ZNF804A: variants seen among roughly 807,000 people sequenced by gnomAD.
The protein encoded by ZNF804A is zinc finger protein 804A.
ZNF804A carries 2 observed loss-of-function variants against 16.5 expected under a neutral mutation model. That is an observed-to-expected ratio of 0.12 (90% confidence interval 0.05 to 0.38). ZNF804A has a LOEUF of 0.38. ZNF804A is among the 10% of genes least tolerant of loss of function. The pLI is 0.99. For synonymous variants in ZNF804A, 534 were observed against 489.6 expected, an observed-to-expected ratio of 1.09 and a Z score of -1.20; for missense variants, 1,473 against 1,390.7, an observed-to-expected ratio of 1.06 and a Z score of -0.94.
intron 1 of ZNF804A, among the ~76,000 whole-genome samples, chr2:184,711,369 T>C (rs1203360500): frequency 6.6e-6 from 1 of 151,770 alleles, no homozygotes; most frequent in Non-Finnish European, 1.5e-5. Context: ...TTTTTTGTTA[T>C]CAAGTTGTAG....
intron 2 of ZNF804A, among the ~76,000 whole-genome samples, chr2:184,903,470 G>C (rs1346640277): frequency 1.3e-5 from 2 of 152,076 alleles, no homozygotes; most frequent in African/African-American, 4.8e-5. Flanking sequence ...ATACCATAGA[G>C]CCTAGGTGTG....
chr2:184,628,576 A>G (rs988344218), intron 1 of ZNF804A, among the ~76,000 whole-genome samples: 2 of 152,122 alleles, frequency 1.3e-5, no homozygotes, highest in African/African-American at 2.4e-5. Flanking sequence ...CTTACTCAAA[A>G]TTAAATATTT....
At chr2:184,762,976 A>G (rs1258845298) in intron 1 of ZNF804A, among the ~76,000 whole-genome samples, 5 of 152,180 alleles carry the variant, frequency 3.3e-5, no homozygotes, top group African/African-American at 2.4e-5. Flanking sequence ...TTAAATCACA[A>G]ATGTTATTTC....
intron 1 of ZNF804A, among the ~76,000 whole-genome samples, chr2:184,648,638 A>C (rs1336082665): frequency 6.6e-6 from 1 of 152,172 alleles, no homozygotes; most frequent in Admixed American, 6.5e-5. Flanking sequence ...AAGGGTTGCT[A>C]TTCTTATATC....
intron 1 of ZNF804A, among the ~76,000 whole-genome samples, chr2:184,605,139 A>G (rs75482695): frequency 0.044 from 6,754 of 152,234 alleles, 240 homozygotes; most frequent in Non-Finnish European, 0.063. Flanking sequence ...ATGATATGGC[A>G]TTGAAATAGT....
intron 1 of ZNF804A, among the ~76,000 whole-genome samples, chr2:184,617,640 G>C (rs1291653087): frequency 6.6e-6 from 1 of 151,310 alleles, no homozygotes; most frequent in African/African-American, 2.4e-5. Context: ...TCACTGTTTA[G>C]AATTTTTACT....
At position 184,937,078 on chromosome 2, in the gene ZNF804A, A is replaced by G. The variant is rs978404894; in HGVS notation, c.1682A>G (p.Tyr561Cys). Residue 561 changes from tyrosine (Y) to cysteine (C), a missense_variant, in exon 4 of 4, where the codon TAT (tyrosine) becomes TGT (cysteine). Tyr to Cys is a radical substitution (Grantham distance 194). Transcript: ENST00000302277. ...TGTAAGATCAGAGAAACAGAAAAGT[A>G]TAATTTTACTAAAAGTCAAATAAAA... The part of the protein sequence containing the change: ...ISCKIRETEK[Y>C]NFTKSQIKQD... 6.9e-6 allele frequency: 11 copies of G among 1,602,832 alleles called. No individual in the cohort carries two copies. Among genetic ancestry groups the G allele is most frequent in the African/African-American group, 1.4e-5 (1 of 73,898 alleles).
intron 1 of ZNF804A, among the ~76,000 whole-genome samples, chr2:184,829,743 T>G (rs1238639877): frequency 2.0e-5 from 3 of 151,288 alleles, no homozygotes; most frequent in Non-Finnish European, 4.4e-5. Context: ...CTGATTACAT[T>G]TTTTTCCTAT....
chr2:184,617,515 G>A (rs970833518), intron 1 of ZNF804A, among the ~76,000 whole-genome samples: 5 of 151,612 alleles, frequency 3.3e-5, no homozygotes, highest in African/African-American at 9.7e-5. Flanking sequence ...AAATTATATC[G>A]AAGATTTAAC....
intron 2 of ZNF804A, among the ~76,000 whole-genome samples, chr2:184,869,257 G>T (rs999025886): frequency 8.5e-5 from 13 of 152,060 alleles, no homozygotes; most frequent in African/African-American, 3.1e-4. Flanking sequence ...CCTACAACTT[G>T]TATGCAGTAA....
intron 1 of ZNF804A, among the ~76,000 whole-genome samples, chr2:184,845,629 C>A (rs1446990712): frequency 1.3e-5 from 2 of 152,220 alleles, no homozygotes; most frequent in East Asian, 3.9e-4. Context: ...CTCTTGGAAC[C>A]AGGCCTTTAT....
At chr2:184,701,713 C>T (rs1692922288) in intron 1 of ZNF804A, among the ~76,000 whole-genome samples, 2 of 151,726 alleles carry the variant, frequency 1.3e-5, no homozygotes, top group South Asian at 4.2e-4. Flanking sequence ...AATATGAAGG[C>T]AAATTAAATG....
intron 1 of ZNF804A, among the ~76,000 whole-genome samples, chr2:184,789,985 A>G (rs945448382): frequency 1.3e-5 from 2 of 151,442 alleles, no homozygotes; most frequent in Non-Finnish European, 3.0e-5. Flanking sequence ...TTCCTCTCAC[A>G]CTTCTTTTGC....
intron 2 of ZNF804A, among the ~76,000 whole-genome samples, chr2:184,903,738 A>G (rs1298875321): frequency 1.3e-5 from 2 of 152,122 alleles, no homozygotes; most frequent in African/African-American, 2.4e-5. Context: ...GACATATGAA[A>G]AGCAGTACAT....
At chr2:184,638,663 A>G (rs1427451471) in intron 1 of ZNF804A, among the ~76,000 whole-genome samples, 4 of 152,180 alleles carry the variant, frequency 2.6e-5, no homozygotes, top group African/African-American at 4.8e-5. Flanking sequence ...GCTTTCTATT[A>G]TGGATTGTCA....
intron 1 of ZNF804A, among the ~76,000 whole-genome samples, chr2:184,628,874 T>G (rs1691554287): frequency 6.6e-6 from 1 of 152,198 alleles, no homozygotes; most frequent in Non-Finnish European, 1.5e-5. Flanking sequence ...AGCAGTAGGT[T>G]GGAGTTTCTG....
At chr2:184,753,373 A>C (rs1211776907) in intron 1 of ZNF804A, among the ~76,000 whole-genome samples, 1 of 151,700 alleles carries the variant, frequency 6.6e-6, no homozygotes, top group African/African-American at 2.4e-5. Flanking sequence ...TCTGAAAAAC[A>C]ATGCTGGACG....
chr2:184,747,321 CAAAAA>C (rs397986917), intron 1 of ZNF804A, among the ~76,000 whole-genome samples: 2 of 78,076 alleles, frequency 2.6e-5, no homozygotes, highest in South Asian at 1.1e-3. Flanking sequence ...AATCTTGCTG[CAAAAA>C]AAAAAAAAAA....
intron 1 of ZNF804A, among the ~76,000 whole-genome samples, chr2:184,693,060 G>A (rs1421951529): frequency 6.6e-6 from 1 of 152,078 alleles, no homozygotes; most frequent in Non-Finnish European, 1.5e-5. Context: ...TATAAGAAGT[G>A]TCATCATATA....
Sources: gnomAD v4.1 joint callset for allele counts (sites outside exome capture counted in the v4.1 genomes callset) on GRCh38, gnomAD v4.1.1 for gene constraint, MANE v1.5 for transcripts, NCBI Gene and HGNC (gene_info 2026-07-23, HGNC 2026-07-21) for gene names.